Variants in NCOR1 observed in about 807,000 individuals in gnomAD.
NCOR1 encodes the protein nuclear receptor corepressor 1, also known as protein phosphatase 1, regulatory subunit 109.
In NCOR1, 63 loss-of-function variants were observed where a neutral mutation model predicts 288.1. The ratio of observed to expected loss-of-function variants is 0.22; its 90% CI spans 0.18 to 0.27. NCOR1 has a LOEUF of 0.27. Among genes scored for constraint, NCOR1 ranks in the 10% least tolerant of loss-of-function variants. The pLI is 1.00. For missense variants in NCOR1, 2,397 were observed against 3,019.2 expected (o/e 0.79, Z 4.83); for synonymous variants, 1,007 against 1,065.9 (o/e 0.94, Z 1.08).
At chr17:16,177,837 A>T (rs1020867922) in intron 3 of NCOR1, among the ~76,000 whole-genome samples, 18 of 152,212 alleles carry the variant, frequency 1.2e-4, no homozygotes, top group African/African-American at 4.3e-4. Flanking sequence ...TTCTCCAATC[A>T]AAGAATATTC....
At position 16,184,212 on chromosome 17, in the gene NCOR1, A is replaced by G. The variant is rs368843385; in HGVS notation, c.242+2342T>C. On this transcript the variant is annotated intron_variant, in intron 3 of 45. Transcript: ENST00000268712. ...TATCAAGAGGTCAGGCCACAAAAGC[A>G]CAAATATATAAATGGGACTACATCA... Among the ~76,000 whole-genome samples, 5 of 152,348 alleles carry G rather than the reference A, an allele frequency of 3.3e-5. No individual in the cohort carries two copies. In the East Asian group the frequency reaches 5.8e-4, roughly 18 times the overall value.
At chr17:16,097,319 G>C (rs2066818263) in intron 21 of NCOR1, among the ~76,000 whole-genome samples, 1 of 152,138 alleles carries the variant, frequency 6.6e-6, no homozygotes, top group South Asian at 2.1e-4. Context: ...CAATCCTCTT[G>C]CCTCAGCCTC....
chr17:16,051,077 G>A (rs1313296588), intron 40 of NCOR1, among the ~76,000 whole-genome samples: 2 of 152,116 alleles, frequency 1.3e-5, no homozygotes, highest in African/African-American at 4.8e-5. Flanking sequence ...GGCCTCAAGC[G>A]ATCCTCTCGC....
At chr17:16,154,015 CTTTTTTTTTTTT>C (rs61436082) in intron 6 of NCOR1, among the ~76,000 whole-genome samples, 281 of 109,690 alleles carry the variant, frequency 2.6e-3, no homozygotes, top group Non-Finnish European at 3.1e-3. Flanking sequence ...ATGCTATTTC[CTTTTTTTTTTTT>C]TTTTTTTTTT....
chr17:16,105,917 T>C (rs746182774), intron 19 of NCOR1, among the ~76,000 whole-genome samples: 2 of 152,080 alleles, frequency 1.3e-5, no homozygotes, highest in South Asian at 2.1e-4. Flanking sequence ...CTGACCAACG[T>C]AGCGAAACCC....
At chr17:16,159,795 T>A (rs951374303) in intron 5 of NCOR1, among the ~76,000 whole-genome samples, 32 of 151,900 alleles carry the variant, frequency 2.1e-4, no homozygotes, top group African/African-American at 7.5e-4. Flanking sequence ...GGTCACCCTT[T>A]ACAGGTGGTG....
In NCOR1 at chr17:16,215,384, G is replaced by A. The variant is rs1368468522; in HGVS notation, c.-93C>T. 2.5e-6 allele frequency: 1 copy of A among 395,228 alleles called. No individual in the cohort carries two copies. Among genetic ancestry groups the A allele is most frequent in the East Asian group, 3.6e-5 (1 of 27,888 alleles). 24.5% of individuals were successfully genotyped at this position (395,228 alleles called of 1,614,324 possible). On this transcript the variant is annotated 5_prime_UTR_variant, in exon 1 of 46. Transcript: ENST00000268712. The stretch of plus-strand genomic sequence containing the variant: ...CACCGGGAGCTGGCTAAGCGTGGGA[G>A]CCGACGTGCGCCCCGGCCTGAGGAG...
intron 30 of NCOR1, 42 bp downstream of exon 30, chr17:16,071,367 A>G (rs2061744458): frequency 5.0e-6 from 8 of 1,585,574 alleles, no homozygotes; most frequent in East Asian, 4.5e-5. Flanking sequence ...TAAATGTTCC[A>G]TAAATATCAG....
In NCOR1 at chr17:16,127,276, T is replaced by G. The variant is rs1278037669; in HGVS notation, c.1510-1070A>C. Among the ~76,000 whole-genome samples the G allele has an allele frequency of 3.0e-5, 3 of 98,994 alleles. 1 individual carries two copies. The highest frequency in any genetic ancestry group is 1.1e-4 in the African/African-American group (3 of 26,466). 64.9% of individuals were successfully genotyped at this position (98,994 alleles called of 152,430 possible). ...ATATGTGTGTGTATATATGTATGTA[T>G]ATATACGTGTATATATGTATGTATG... On this transcript the variant is annotated intron_variant, in intron 14 of 45. Transcript: ENST00000268712.
At position 16,175,166 on chromosome 17, in the gene NCOR1, A is replaced by G. The variant is rs530903809; in HGVS notation, c.243-3171T>C. On this transcript the variant is annotated intron_variant, in intron 3 of 45. Transcript: ENST00000268712. ...TGCATCACTTGAGGTCAGGAGTTCG[A>G]GACCAGCCTGACCAACAAGGTGAAA... is the stretch of plus-strand genomic sequence containing the variant. 2.0e-5 allele frequency among the ~76,000 whole-genome samples: 3 copies of G among 152,310 alleles called. No homozygotes were observed. In the East Asian group the frequency reaches 5.8e-4, roughly 29 times the overall value.
Position 16,048,928 on chromosome 17 carries a change from G to C in NCOR1, c.6453C>G (p.Ser2151=). The C allele has an allele frequency of 6.2e-7, 1 of 1,613,966 alleles. No individual in the cohort carries two copies. Among genetic ancestry groups the C allele is most frequent in the East Asian group, 2.2e-5 (1 of 44,874 alleles). Residue 2151 remains serine, a synonymous_variant, in exon 41 of 46, where the codon TCC becomes TCG. Coordinates refer to ENST00000268712, the MANE Select transcript of NCOR1 (RefSeq NM_006311.4). ...HVSSEPYEPI[S]PPQVPVVHEK... is the part of the protein sequence containing the mutation. ...CATGCACAACCGGAACCTGGGGTGG[G>C]GAGATGGGCTCGTAGGGCTCCGAAG...
chr17:16,168,357 C>A (rs1477271633), intron 4 of NCOR1, among the ~76,000 whole-genome samples: 2 of 152,016 alleles, frequency 1.3e-5, no homozygotes, highest in Non-Finnish European at 2.9e-5. Flanking sequence ...CCTGCCACCA[C>A]GTCCAGATAA....
intron 44 of NCOR1, among the ~76,000 whole-genome samples, chr17:16,038,369 A>G (rs1207155129): frequency 6.6e-6 from 1 of 152,228 alleles, no homozygotes; most frequent in African/African-American, 2.4e-5. Flanking sequence ...CTTATCAGAT[A>G]CAAGCATTAG....
chr17:16,139,257 C>T (rs2076835839), intron 11 of NCOR1, 71 bp from the exon 12 acceptor site: 4 of 1,301,932 alleles, frequency 3.1e-6, no homozygotes, highest in Non-Finnish European at 4.3e-6. Context: ...TGGACCAATG[C>T]TCTTAATGTG....
rs574785532 is a variant in NCOR1 at position 16,077,252 on chromosome 17, C to T, written c.3502-1550G>A. 9.4e-5 allele frequency among the ~76,000 whole-genome samples: 14 copies of T among 149,544 alleles called. No individual in the cohort carries two copies. The South Asian group carries it at 2.7e-3, about 29-fold the overall frequency. ...TCTCTACTAAAAATACAAAAATTAG[C>T]CAGGCACGGCTGCGCACACCTGTAA... On this transcript the variant is annotated intron_variant, in intron 26 of 45. Coordinates refer to ENST00000268712, the MANE Select transcript of NCOR1 (RefSeq NM_006311.4).
intron 3 of NCOR1, among the ~76,000 whole-genome samples, chr17:16,179,623 G>A (rs2084954753): frequency 6.6e-6 from 1 of 152,180 alleles, no homozygotes; most frequent in South Asian, 2.1e-4. Context: ...TTATATGAGA[G>A]AAACTTAACT....
At chr17:16,062,323 C>A in intron 35 of NCOR1, 53 bp from the exon 36 acceptor site, 4 of 1,503,736 alleles carry the variant, frequency 2.7e-6, no homozygotes, top group Non-Finnish European at 8.9e-7. Flanking sequence ...AAGCCAGAGA[C>A]AAAAGGAAGC....
In NCOR1 at chr17:16,158,784, G is replaced by C; in HGVS notation, c.708C>G (p.Val236=). ...CCCGATTCTCATCATAAATAATTTG[G>C]ACAATACTGCGGTGTTTCTGCTCCA... ...PPVEQKHRSI[V]QIIYDENRKK... The change falls in exon 6 of 46, where the codon GTC becomes GTG. Residue 236 remains valine, a synonymous_variant. Transcript: ENST00000268712. The C allele has an allele frequency of 1.2e-6, 2 of 1,613,876 alleles. No individual in the cohort carries two copies. The highest frequency in any genetic ancestry group is 1.7e-6 in the Non-Finnish European group (2 of 1,179,814).
At chr17:16,188,420 G>C (rs1207460260) in intron 2 of NCOR1, among the ~76,000 whole-genome samples, 2 of 151,788 alleles carry the variant, frequency 1.3e-5, no homozygotes, top group African/African-American at 4.8e-5. Context: ...GAACAGCCTG[G>C]CCAACACAGT....
Sources: gnomAD v4.1 joint callset for allele counts (sites outside exome capture counted in the v4.1 genomes callset) on GRCh38, gnomAD v4.1.1 for gene constraint, MANE v1.5 for transcripts, NCBI Gene and HGNC (gene_info 2026-07-23, HGNC 2026-07-21) for gene names.